The following KCND3 variants were observed in gnomAD, a reference collection of about 807,000 sequenced individuals.
The protein encoded by KCND3 is potassium voltage-gated channel subfamily D member 3, also known as A-type voltage-gated potassium channel KCND3.
In KCND3, 9 loss-of-function variants were observed where a neutral mutation model predicts 51.1. The observed-to-expected ratio is 0.18, with a 90% CI of 0.11 to 0.31. KCND3 has a LOEUF of 0.31. KCND3 is among the 10% of genes least tolerant of loss of function. The pLI is 1.00. For synonymous variants in KCND3, 349 were observed against 368.0 expected, an observed-to-expected ratio of 0.95 and a Z score of 0.59; for missense variants, 526 against 903.8, an observed-to-expected ratio of 0.58 and a Z score of 5.36.
chr1:111,825,506 TC>T (rs1306268417), intron 2 of KCND3, among the ~76,000 whole-genome samples: 1 of 152,186 alleles, frequency 6.6e-6, no homozygotes, highest in African/African-American at 2.4e-5. Context: ...GGATTTGTCT[TC>T]CATGGTGTGA....
chr1:111,956,350 G>A (rs747730654), intron 2 of KCND3, among the ~76,000 whole-genome samples: 9 of 152,176 alleles, frequency 5.9e-5, no homozygotes, highest in Non-Finnish European at 8.8e-5. Context: ...CCCCAGTTCC[G>A]GAGCCCGAGG....
rs77362493 is a variant in KCND3 at position 111,987,267 on chromosome 1, A to G, written c.-73+2238T>C. 7.3e-3 allele frequency among the ~76,000 whole-genome samples: 1,116 copies of G among 152,240 alleles called. 13 individuals are homozygous for G. Among genetic ancestry groups the G allele is most frequent in the African/African-American group, 0.025 (1,042 of 41,542 alleles). On this transcript the variant is annotated intron_variant, in intron 1 of 7. Transcript: ENST00000302127. ...CTCCAAGGACCACCAGTCCTTTACAAACTGCTTTCAGATGAATAATTGAGA... is the reference window on the plus strand; with the variant it reads ...CTCCAAGGACCACCAGTCCTTTACAGACTGCTTTCAGATGAATAATTGAGA...
intron 2 of KCND3, among the ~76,000 whole-genome samples, chr1:111,809,186 A>C (rs1006701154): frequency 6.6e-6 from 1 of 152,230 alleles, no homozygotes; most frequent in Non-Finnish European, 1.5e-5. Context: ...CCAGGGAAGT[A>C]GCTTTGTGCA....
chr1:111,775,771 T>C lies in KCND3; in HGVS notation c.*306A>G. 2.2e-6 allele frequency: 1 copy of C among 458,194 alleles called. No homozygotes were observed. The highest frequency in any genetic ancestry group is 4.1e-6 in the Non-Finnish European group (1 of 246,720). 28.4% of individuals were successfully genotyped at this position (458,194 alleles called of 1,614,324 possible). A position where few individuals can be genotyped will look rare whatever the true frequency, so the allele number is the denominator to read the frequency against. The stretch of plus-strand genomic sequence containing the variant: ...TTGGTCTGAGTCTGAGGCTCCTCCA[T>C]CCAGGCCCTGTCCTGGCACATAGCC... On this transcript the variant is annotated 3_prime_UTR_variant, in exon 8 of 8. Coordinates refer to ENST00000302127, the MANE Select transcript of KCND3 (RefSeq NM_001378969.1).
At chr1:111,825,883 G>A (rs1413561817) in intron 2 of KCND3, among the ~76,000 whole-genome samples, 18 of 151,922 alleles carry the variant, frequency 1.2e-4, no homozygotes, top group Admixed American at 9.2e-4. Flanking sequence ...CTATTTCCTC[G>A]GGAGAGATCC....
intron 2 of KCND3, among the ~76,000 whole-genome samples, chr1:111,974,983 CT>C (rs1200108139): frequency 6.6e-6 from 1 of 152,242 alleles, no homozygotes; most frequent in Admixed American, 6.5e-5. Context: ...GTGAATTAAT[CT>C]TTCCCTTCTC....
intron 2 of KCND3, among the ~76,000 whole-genome samples, chr1:111,891,986 G>GTC (rs1669851501): frequency 6.6e-6 from 1 of 151,360 alleles, no homozygotes. Context: ...GTGTCTGTGT[G>GTC]TGTGTGTGTG....
In KCND3 at chr1:111,981,430, CCAGCAAGCTACCACCCCCAAA is replaced by C. The variant is rs1178877420; in HGVS notation, c.1106+170_1106+190del. 6.6e-6 allele frequency among the ~76,000 whole-genome samples: 1 copy of C among 152,060 alleles called. No homozygotes were observed. The highest frequency in any genetic ancestry group is 6.6e-5 in the Admixed American group (1 of 15,266). ...CGACCTCAAAAAGAAAACTCAATTC[CCAGCAAGCTACCACCCCCAAA>C]CAGATGACTCATGGGCTTTACCCTT... On this transcript the variant is annotated intron_variant, in intron 2 of 7. Coordinates refer to ENST00000302127, the MANE Select transcript of KCND3 (RefSeq NM_001378969.1). This position sits in a 1 kb window ranked among gnomAD's most constrained non-coding sequence, Gnocchi z 6.2.
At chr1:111,862,750 G>A (rs903669209) in intron 2 of KCND3, among the ~76,000 whole-genome samples, 1 of 152,174 alleles carries the variant, frequency 6.6e-6, no homozygotes, top group Admixed American at 6.5e-5. Context: ...ACTCTCACAG[G>A]GTTGTTTTGA....
At chr1:111,827,212 A>G (rs1226279154) in intron 2 of KCND3, among the ~76,000 whole-genome samples, 1 of 152,248 alleles carries the variant, frequency 6.6e-6, no homozygotes. Context: ...TATGTAGTGT[A>G]TGTTGCTATG....
At chr1:111,954,086 A>G (rs150621839) in intron 2 of KCND3, among the ~76,000 whole-genome samples, 2 of 152,146 alleles carry the variant, frequency 1.3e-5, no homozygotes, top group Non-Finnish European at 2.9e-5. Flanking sequence ...CCCGCTCCCA[A>G]AGATGGAAGG....
chr1:111,921,691 C>T (rs1199598525), intron 2 of KCND3, among the ~76,000 whole-genome samples: 1 of 152,202 alleles, frequency 6.6e-6, no homozygotes, highest in Non-Finnish European at 1.5e-5. Context: ...GGATGCAGTA[C>T]AAGTCTGCCA....
intron 2 of KCND3, among the ~76,000 whole-genome samples, chr1:111,847,206 C>A (rs1403159298): frequency 6.6e-6 from 1 of 152,196 alleles, no homozygotes; most frequent in African/African-American, 2.4e-5. Context: ...GCAGCAGGGC[C>A]ATCTTCCTTC....
chr1:111,937,493 G>T (rs902953870), intron 2 of KCND3, among the ~76,000 whole-genome samples: 1 of 152,202 alleles, frequency 6.6e-6, no homozygotes, highest in African/African-American at 2.4e-5. Context: ...AGGACGAAAA[G>T]AATGTCTGCT....
chr1:111,966,359 T>C (rs368530682), intron 2 of KCND3, among the ~76,000 whole-genome samples: 9 of 151,966 alleles, frequency 5.9e-5, no homozygotes, highest in African/African-American at 1.7e-4. Flanking sequence ...AACAGGATAA[T>C]AGGGGAAGAA....
At chr1:111,929,940 TC>T (rs1276044976) in intron 2 of KCND3, among the ~76,000 whole-genome samples, 1 of 152,194 alleles carries the variant, frequency 6.6e-6, no homozygotes, top group Non-Finnish European at 1.5e-5. Flanking sequence ...CCTGCAGCAA[TC>T]CTGCACCCAA....
intron 2 of KCND3, among the ~76,000 whole-genome samples, chr1:111,962,606 G>T: frequency 6.6e-6 from 1 of 152,170 alleles, no homozygotes; most frequent in Non-Finnish European, 1.5e-5. Flanking sequence ...GAAACAACTT[G>T]GACTTTTGAT....
chr1:111,923,110 T>C (rs748446952), intron 2 of KCND3, among the ~76,000 whole-genome samples: 5 of 152,284 alleles, frequency 3.3e-5, no homozygotes, highest in Non-Finnish European at 7.4e-5. Flanking sequence ...ACCAGCAAAA[T>C]GAAGGGGTTG....
chr1:111,844,652 T>C (rs79003147), intron 2 of KCND3, among the ~76,000 whole-genome samples: 3,140 of 152,300 alleles, frequency 0.021, 47 homozygotes, highest in Non-Finnish European at 0.033. Context: ...TCCCTTCACT[T>C]GAGACAGAAG....
Sources: allele counts gnomAD v4.1 joint callset (sites outside exome capture counted in the v4.1 genomes callset), GRCh38; gene constraint gnomAD v4.1.1; non-coding constraint Gnocchi (gnomAD v3.1); transcripts MANE v1.5; gene names NCBI Gene and HGNC (gene_info 2026-07-23, HGNC 2026-07-21).